Variants in ITGB8 observed in about 807,000 individuals in gnomAD.
The protein encoded by ITGB8 is integrin beta-8.
ITGB8 carries 30 observed loss-of-function variants against 89.5 expected under a neutral mutation model. That is an observed-to-expected ratio of 0.34 (90% confidence interval 0.25 to 0.45). The LOEUF is 0.45. Ranked by LOEUF, ITGB8 falls within the 20% of genes least tolerant of loss-of-function variation. ITGB8 has a pLI of 1.00. For missense variants in ITGB8, 836 were observed against 933.3 expected (o/e 0.90, Z 1.36); for synonymous variants, 335 against 320.4 (o/e 1.05, Z -0.49).
chr7:20,331,758 C>T lies in ITGB8; in HGVS notation c.-49C>T, dbSNP rs1289341664. ...GGTGCGCCCGGGAGGCGCGAGCCCG[C>T]GTCCGGAAGGCAGTCAGGCGGCGGG... is the stretch of plus-strand genomic sequence containing the variant. On this transcript the variant is annotated 5_prime_UTR_variant, in exon 1 of 14. Coordinates refer to ENST00000222573, the MANE Select transcript of ITGB8 (RefSeq NM_002214.3). The T allele has an allele frequency of 1.3e-6, 2 of 1,579,704 alleles. No individual in the cohort carries two copies. Among genetic ancestry groups the T allele is most frequent in the South Asian group, 1.1e-5 (1 of 87,576 alleles).
chr7:20,411,668 A>G lies in ITGB8; in HGVS notation c.*1671A>G, dbSNP rs1404290760. ...TTTCAATGTGATTTACTCATGTCTT[A>G]AGTGTATGAGGAAAGTTCAAAGCAA... is the stretch of plus-strand genomic sequence containing the variant. On this transcript the variant is annotated 3_prime_UTR_variant, in exon 14 of 14. Coordinates refer to ENST00000222573, the MANE Select transcript of ITGB8 (RefSeq NM_002214.3). 1 of 152,738 alleles carries G rather than the reference A, an allele frequency of 6.5e-6. No homozygotes were observed. Among genetic ancestry groups the G allele is most frequent in the South Asian group, 2.1e-4 (1 of 4,826 alleles). 9.5% of individuals were successfully genotyped at this position (152,738 alleles called of 1,614,324 possible). A position where few individuals can be genotyped will look rare whatever the true frequency, so the allele number is the denominator to read the frequency against.
At chr7:20,369,662 A>T (rs1008702997) in intron 3 of ITGB8, among the ~76,000 whole-genome samples, 5 of 152,212 alleles carry the variant, frequency 3.3e-5, no homozygotes, top group African/African-American at 1.2e-4. Context: ...TACATAAATA[A>T]TATTTTCAAA....
intron 6 of ITGB8, among the ~76,000 whole-genome samples, chr7:20,386,009 A>C (rs1786597222): frequency 6.6e-6 from 1 of 152,222 alleles, no homozygotes; most frequent in Non-Finnish European, 1.5e-5. Context: ...TTTCTACTTC[A>C]GAAAATGTTA....
At chr7:20,391,931 A>C (rs1047174286) in intron 7 of ITGB8, among the ~76,000 whole-genome samples, 1 of 152,218 alleles carries the variant, frequency 6.6e-6, no homozygotes, top group Non-Finnish European at 1.5e-5. Context: ...TAGCACTGAC[A>C]CACCTAGCTT....
intron 1 of ITGB8, among the ~76,000 whole-genome samples, chr7:20,359,572 T>C (rs1483213381): frequency 6.6e-6 from 1 of 152,188 alleles, no homozygotes; most frequent in Non-Finnish European, 1.5e-5. Flanking sequence ...TGTCCGTGTC[T>C]GTAAACAGCA....
intron 3 of ITGB8, among the ~76,000 whole-genome samples, chr7:20,372,289 G>C (rs1562676008): frequency 6.6e-6 from 1 of 152,120 alleles, no homozygotes; most frequent in Non-Finnish European, 1.5e-5. Context: ...TGGTCCTTCT[G>C]AGACTATAAA....
intron 1 of ITGB8, 96 bp downstream of exon 1, chr7:20,332,029 T>C (rs1441160294): frequency 6.6e-6 from 10 of 1,519,978 alleles, no homozygotes; most frequent in Non-Finnish European, 8.8e-6. Flanking sequence ...GCCAGGTAAG[T>C]TGCGGTCATC....
chr7:20,374,628 A>T (rs190088508), intron 3 of ITGB8, among the ~76,000 whole-genome samples: 3 of 152,250 alleles, frequency 2.0e-5, no homozygotes, highest in Non-Finnish European at 2.9e-5. Context: ...CAGATTACTG[A>T]GTGGTGTCTT....
intron 1 of ITGB8, among the ~76,000 whole-genome samples, chr7:20,358,474 A>G (rs1417053475): frequency 7.0e-6 from 1 of 142,634 alleles, no homozygotes; most frequent in Non-Finnish European, 1.5e-5. Flanking sequence ...TTTTATTTCT[A>G]TTTTCTTCCT....
Position 20,331,791 on chromosome 7 carries a change from C to A in ITGB8, c.-16C>A. On this transcript the variant is annotated 5_prime_UTR_variant, in exon 1 of 14. Coordinates refer to ENST00000222573, the MANE Select transcript of ITGB8 (RefSeq NM_002214.3). ...AGGCAGTCAGGCGGCGGGCGCGGGG[C>A]GGGCTGTTTTGCATTATGTGCGGCT... is the stretch of plus-strand genomic sequence containing the variant. 1 of 1,607,198 alleles carries A rather than the reference C, an allele frequency of 6.2e-7. No individual in the cohort carries two copies. The highest frequency in any genetic ancestry group is 8.5e-7 in the Non-Finnish European group (1 of 1,177,266).
At chr7:20,396,896 A>T (rs3807949) in intron 8 of ITGB8, among the ~76,000 whole-genome samples, 82,898 of 152,036 alleles carry the variant, frequency 0.55, 23,165 homozygotes, top group South Asian at 0.73. Context: ...AACCGTAAAC[A>T]GTGGAAAAAT....
chr7:20,372,461 G>A (rs1785971579), intron 3 of ITGB8, among the ~76,000 whole-genome samples: 1 of 152,180 alleles, frequency 6.6e-6, no homozygotes, highest in Non-Finnish European at 1.5e-5. Flanking sequence ...GATCTGGCAA[G>A]CAACTTAGTG....
chr7:20,337,766 C>G (rs574000995), intron 1 of ITGB8, among the ~76,000 whole-genome samples: 7 of 152,304 alleles, frequency 4.6e-5, no homozygotes, highest in African/African-American at 1.7e-4. Context: ...TCAGCTCTAG[C>G]TGTCCTCAGG....
At chr7:20,405,334 T>C (rs1391165791) in intron 11 of ITGB8, among the ~76,000 whole-genome samples, 1 of 150,152 alleles carries the variant, frequency 6.7e-6, no homozygotes, top group Non-Finnish European at 1.5e-5. Context: ...TATATTTTTT[T>C]TTTGTGACAG....
intron 8 of ITGB8, among the ~76,000 whole-genome samples, chr7:20,396,640 T>G (rs567289708): frequency 4.7e-4 from 71 of 152,304 alleles, no homozygotes; most frequent in African/African-American, 1.6e-3. Context: ...GAAAATCAAA[T>G]GTGTCTACAA....
Position 20,367,163 on chromosome 7 carries a change from A to C in ITGB8, c.365A>C (p.Glu122Ala). 1 of 1,612,218 alleles carries C rather than the reference A, an allele frequency of 6.2e-7. No homozygotes were observed. The highest frequency in any genetic ancestry group is 8.5e-7 in the Non-Finnish European group (1 of 1,178,672). The change falls in exon 3 of 14, where the codon GAA (glutamate) becomes GCA (alanine). Residue 122 changes from glutamate to alanine, a missense_variant. Transcript: ENST00000222573. ...NEINTQVTPG[E>A]VSIQLRPGAE... ...ATTAATACCCAGGTGACACCAGGAG[A>C]AGTGTCTATCCAGCTGCGTCCAGGT...
At chr7:20,361,102 C>CGG (rs1489946051) in intron 1 of ITGB8, among the ~76,000 whole-genome samples, 2 of 151,714 alleles carry the variant, frequency 1.3e-5, no homozygotes, top group Admixed American at 1.3e-4. Context: ...CTCTAATGAT[C>CGG]GGTGATGTTG....
chr7:20,338,717 G>A (rs1013969553), intron 1 of ITGB8, among the ~76,000 whole-genome samples: 7 of 152,152 alleles, frequency 4.6e-5, no homozygotes, highest in African/African-American at 1.7e-4. Context: ...AGGTAGTCTG[G>A]TAGTCTTGAC....
chr7:20,406,194 A>C (rs1455719425), intron 12 of ITGB8, 23 bp downstream of exon 12: 2 of 1,334,572 alleles, frequency 1.5e-6, no homozygotes, highest in East Asian at 4.6e-5. Context: ...TTAATAATCA[A>C]AGCACAGAAG....
Sources: allele counts gnomAD v4.1 joint callset (sites outside exome capture counted in the v4.1 genomes callset), GRCh38; gene constraint gnomAD v4.1.1; transcripts MANE v1.5; gene names NCBI Gene and HGNC (gene_info 2026-07-23, HGNC 2026-07-21).